Variants in ZMYM1 observed in about 807,000 individuals in gnomAD.
ZMYM1 encodes zinc finger MYM-type protein 1.
Under a neutral mutation model 60.0 loss-of-function variants are expected in ZMYM1, and 39 were observed. The ratio of observed to expected loss-of-function variants is 0.65; its 90% CI spans 0.50 to 0.85. The LOEUF is 0.85. Among genes scored for constraint, ZMYM1 ranks in the 40% least tolerant of loss-of-function variants. The pLI, the probability that ZMYM1 is intolerant of heterozygous loss-of-function variation, is 0.00. For missense variants in ZMYM1, 1,171 were observed against 1,309.5 expected (o/e 0.89, Z 1.63); for synonymous variants, 413 against 454.0 (o/e 0.91, Z 1.15).
chr1:35,072,683 C>G (rs577858442), intron 1 of ZMYM1, among the ~76,000 whole-genome samples: 1 of 152,198 alleles, frequency 6.6e-6, no homozygotes, highest in South Asian at 2.1e-4. Context: ...CGTGGTGGCT[C>G]ACACCTGTAA....
chr1:35,107,623 TA>T (rs1211997124), intron 6 of ZMYM1, among the ~76,000 whole-genome samples: 1 of 152,158 alleles, frequency 6.6e-6, no homozygotes, highest in Non-Finnish European at 1.5e-5. Context: ...GATAATGGAG[TA>T]AATCTACAAT....
In ZMYM1 at chr1:35,062,875, A is replaced by C. The variant is rs186922397; in HGVS notation, c.-301+2950A>C. Among the ~76,000 whole-genome samples, 3 of 152,344 alleles carry C rather than the reference A, an allele frequency of 2.0e-5. No individual in the cohort carries two copies. The East Asian group carries it at 5.8e-4, about 29-fold the overall frequency. ...CTAATGCTAAAATAAACCTTATGCC[A>C]AACATTCTGTCTTTTAATCTGGGTA... On this transcript the variant is annotated intron_variant, in intron 1 of 10. Transcript: ENST00000417119.
At chr1:35,112,522 A>T (rs1644124180) in intron 9 of ZMYM1, among the ~76,000 whole-genome samples, 1 of 144,722 alleles carries the variant, frequency 6.9e-6, no homozygotes, top group Non-Finnish European at 1.5e-5. Flanking sequence ...AATATATAAA[A>T]ATATAAATAT....
intron 1 of ZMYM1, among the ~76,000 whole-genome samples, chr1:35,089,714 C>T (rs1414300800): frequency 2.0e-5 from 3 of 149,004 alleles, no homozygotes; most frequent in Non-Finnish European, 4.4e-5. Context: ...TATCATCTGC[C>T]CTCCATAATG....
rs1449275485 is a variant in ZMYM1, at chr1:35,104,626, C to T, written c.664C>T (p.His222Tyr). Reference sequence around the variant, plus strand: ...CAGTAATGCCTGCCTTTCAAAGTTTCACTCTGCTAACAACTTCATCATGAA... The same window carrying T: ...CAGTAATGCCTGCCTTTCAAAGTTTTACTCTGCTAACAACTTCATCATGAA... ...LCSNACLSKF[H>Y]SANNFIMNCC... The change falls in exon 6 of 10, where the codon CAC becomes TAC. Residue 222 changes from histidine to tyrosine, a missense_variant. Physicochemically the swap from His to Tyr is moderately conservative, Grantham distance 83. Transcript: ENST00000359858. 3.1e-6 allele frequency: 5 copies of T among 1,614,062 alleles called. No homozygotes were observed. The highest frequency in any genetic ancestry group is 4.2e-6 in the Non-Finnish European group (5 of 1,180,038).
upstream of ZMYM1, chr1:35,079,334 G>A (rs1477953221): frequency 1.3e-5 from 2 of 152,248 alleles, no homozygotes; most frequent in African/African-American, 4.8e-5. Context: ...CAGCGGCCCT[G>A]CGCATGCTCA....
intron 1 of ZMYM1, among the ~76,000 whole-genome samples, chr1:35,062,987 G>A (rs1436161806): frequency 6.6e-6 from 1 of 152,192 alleles, no homozygotes; most frequent in Admixed American, 6.5e-5. Context: ...TCCAGCATGG[G>A]TGCTTCTGGT....
At chr1:35,066,968 A>G (rs1249879353) in intron 1 of ZMYM1, among the ~76,000 whole-genome samples, 2 of 152,178 alleles carry the variant, frequency 1.3e-5, no homozygotes, top group East Asian at 3.8e-4. Context: ...AAGTATTTAA[A>G]TATTTTTATT....
chr1:35,110,230 GTTC>G (rs1229672273), intron 6 of ZMYM1, 61 bp from the exon 7 acceptor site: 16 of 1,218,598 alleles, frequency 1.3e-5, no homozygotes, highest in African/African-American at 4.7e-5. Flanking sequence ...GTGGTAATAG[GTTC>G]TTCTTCATTA....
At chr1:35,072,103 C>T (rs1282095299) in intron 1 of ZMYM1, among the ~76,000 whole-genome samples, 2 of 152,140 alleles carry the variant, frequency 1.3e-5, no homozygotes, top group Non-Finnish European at 2.9e-5. Context: ...CATTGCATTC[C>T]AGCCTGGGCA....
At chr1:35,116,989 G>A (rs1446692598), downstream of ZMYM1, among the ~76,000 whole-genome samples, 3 of 150,172 alleles carry the variant, frequency 2.0e-5, no homozygotes, top group Non-Finnish European at 4.5e-5. Flanking sequence ...GACTACAGGC[G>A]CCCGCCACTG....
chr1:35,065,173 G>A (rs1164969362), intron 1 of ZMYM1, among the ~76,000 whole-genome samples: 2 of 151,498 alleles, frequency 1.3e-5, no homozygotes, highest in African/African-American at 2.4e-5. Context: ...TTTTCTCCCC[G>A]CTGCCACCCC....
At chr1:35,108,180 G>C (rs1643957014) in intron 6 of ZMYM1, among the ~76,000 whole-genome samples, 2 of 152,120 alleles carry the variant, frequency 1.3e-5, no homozygotes, top group African/African-American at 4.8e-5. Flanking sequence ...TTAGTGAATT[G>C]TTAAGATTTC....
At chr1:35,117,130 C>CT (rs34976466), downstream of ZMYM1, among the ~76,000 whole-genome samples, 100,600 of 143,946 alleles carry the variant, frequency 0.7, 38,869 homozygotes, top group Non-Finnish European at 0.89. Context: ...CGCGCCCGGC[C>CT]TTTTTTTTTT....
intron 4 of ZMYM1, among the ~76,000 whole-genome samples, chr1:35,098,030 G>A (rs747520449): frequency 6.6e-6 from 1 of 152,140 alleles, no homozygotes; most frequent in Non-Finnish European, 1.5e-5. Flanking sequence ...GATGGATTCT[G>A]TAGAAATATT....
At chr1:35,115,960 G>T (rs1396088825), downstream of ZMYM1, 3 of 152,156 alleles carry the variant, frequency 2.0e-5, no homozygotes, top group Non-Finnish European at 4.4e-5. Flanking sequence ...TGGGCGTGGT[G>T]GTTCACACCT....
intron 1 of ZMYM1, among the ~76,000 whole-genome samples, chr1:35,088,395 G>C (rs1347221855): frequency 6.7e-6 from 1 of 149,006 alleles, no homozygotes; most frequent in Admixed American, 6.8e-5. Flanking sequence ...TCCAGCATGG[G>C]CAACAGAGTG....
At chr1:35,085,281 T>A (rs967465522) in intron 1 of ZMYM1, among the ~76,000 whole-genome samples, 1 of 152,110 alleles carries the variant, frequency 6.6e-6, no homozygotes, top group African/African-American at 2.4e-5. Context: ...TCTCCTGACC[T>A]TGTGATCCAC....
chr1:35,074,005 C>T (rs1210821103), intron 1 of ZMYM1, among the ~76,000 whole-genome samples: 2 of 152,156 alleles, frequency 1.3e-5, no homozygotes, highest in Non-Finnish European at 2.9e-5. Context: ...CCAGCCTGGT[C>T]TCAAACTCCT....
Sources: gnomAD v4.1 joint callset for allele counts (sites outside exome capture counted in the v4.1 genomes callset) on GRCh38, gnomAD v4.1.1 for gene constraint, MANE v1.5 for transcripts, NCBI Gene and HGNC (gene_info 2026-07-23, HGNC 2026-07-21) for gene names.